NDST3: variants seen among roughly 807,000 people sequenced by gnomAD.
NDST3 encodes the protein bifunctional heparan sulfate N-deacetylase/N-sulfotransferase 3.
In NDST3, 58 loss-of-function variants were observed where a neutral mutation model predicts 96.1. The ratio of observed to expected loss-of-function variants is 0.60; its 90% CI spans 0.49 to 0.75. The LOEUF (loss-of-function observed/expected upper bound fraction) is 0.75. NDST3 is among the 30% of genes least tolerant of loss of function. NDST3 has a pLI of 0.00. For synonymous variants in NDST3, 333 were observed against 359.7 expected, an observed-to-expected ratio of 0.93 and a Z score of 0.84; for missense variants, 788 against 1,034.2, an observed-to-expected ratio of 0.76 and a Z score of 3.27.
At chr4:118,092,440 A>C (rs1278988194) in intron 2 of NDST3, among the ~76,000 whole-genome samples, 1 of 151,776 alleles carries the variant, frequency 6.6e-6, no homozygotes, top group Non-Finnish European at 1.5e-5. Context: ...AATCTTTGTG[A>C]GATAGCAGGC....
intron 2 of NDST3, among the ~76,000 whole-genome samples, chr4:118,074,535 G>C (rs1330017305): frequency 6.6e-6 from 1 of 152,022 alleles, no homozygotes; most frequent in African/African-American, 2.4e-5. Flanking sequence ...TGGTTTAAAG[G>C]CTGTTTTGTC....
At chr4:118,242,222 A>C (rs1741051381) in intron 12 of NDST3, 73 bp downstream of exon 12, 2 of 1,008,946 alleles carry the variant, frequency 2.0e-6, no homozygotes, top group East Asian at 4.8e-5. Flanking sequence ...CAGTTTGGTC[A>C]TACAACTGTC....
At chr4:118,195,889 T>C (rs2125972256) in intron 6 of NDST3, among the ~76,000 whole-genome samples, 1 of 152,332 alleles carries the variant, frequency 6.6e-6, no homozygotes, top group Non-Finnish European at 1.5e-5. Flanking sequence ...CTATGTTGAA[T>C]AACAGTGGTG....
chr4:118,110,968 G>C (rs1281730466), intron 3 of NDST3, among the ~76,000 whole-genome samples: 1 of 152,092 alleles, frequency 6.6e-6, no homozygotes, highest in African/African-American at 2.4e-5. Flanking sequence ...ATACTCCATG[G>C]AATACTACAC....
At chr4:118,170,866 G>A (rs998641776) in intron 6 of NDST3, among the ~76,000 whole-genome samples, 10 of 152,274 alleles carry the variant, frequency 6.6e-5, no homozygotes, top group African/African-American at 2.2e-4. Context: ...TAAATGAAGA[G>A]AAAGTAAAAT....
chr4:118,142,705 A>G (rs1409247196), intron 5 of NDST3, among the ~76,000 whole-genome samples: 1 of 152,162 alleles, frequency 6.6e-6, no homozygotes, highest in Non-Finnish European at 1.5e-5. Flanking sequence ...TATAGTGACA[A>G]ACACAGGTCA....
chr4:118,178,468 T>C (rs774630570), intron 6 of NDST3, among the ~76,000 whole-genome samples: 3 of 152,088 alleles, frequency 2.0e-5, no homozygotes, highest in Non-Finnish European at 4.4e-5. Context: ...TCACTTAGCA[T>C]AATATCCTCA....
intron 2 of NDST3, among the ~76,000 whole-genome samples, chr4:118,089,120 A>G (rs1728665131): frequency 6.6e-6 from 1 of 151,978 alleles, no homozygotes; most frequent in African/African-American, 2.4e-5. Flanking sequence ...TAGTAAACAC[A>G]GACATGGATA....
intron 2 of NDST3, 71 bp from the exon 3 acceptor site, chr4:118,104,947 A>G: frequency 8.2e-7 from 1 of 1,224,578 alleles, no homozygotes; most frequent in Non-Finnish European, 1.2e-6. Flanking sequence ...TGAATGCAAA[A>G]AGGATATATC....
At chr4:118,184,794 T>TA (rs796083108) in intron 6 of NDST3, among the ~76,000 whole-genome samples, 9 of 152,308 alleles carry the variant, frequency 5.9e-5, no homozygotes, top group Admixed American at 2.0e-4. Context: ...ACTATGTACT[T>TA]ACTTGCTGTA....
chr4:118,158,278 G>C (rs187243706), intron 6 of NDST3, among the ~76,000 whole-genome samples: 123 of 152,198 alleles, frequency 8.1e-4, no homozygotes, highest in African/African-American at 2.6e-3. Flanking sequence ...CTAAATTCAA[G>C]TCAGATACAT....
intron 6 of NDST3, among the ~76,000 whole-genome samples, chr4:118,193,212 C>T (rs988241651): frequency 3.3e-5 from 5 of 152,172 alleles, no homozygotes; most frequent in African/African-American, 7.2e-5. Context: ...GAGGGGGTGA[C>T]ACCACCTAAA....
At chr4:118,188,861 T>A (rs1408296444) in intron 6 of NDST3, among the ~76,000 whole-genome samples, 5 of 152,084 alleles carry the variant, frequency 3.3e-5, no homozygotes, top group African/African-American at 1.2e-4. Context: ...TGCATCAGAA[T>A]TAAGCAATTA....
intron 2 of NDST3, among the ~76,000 whole-genome samples, chr4:118,076,220 C>A (rs979908740): frequency 9.2e-5 from 14 of 152,074 alleles, no homozygotes; most frequent in Non-Finnish European, 7.3e-5. Context: ...TCTCTAGCTG[C>A]CTTTAATGTT....
rs1027783330 is a variant in NDST3 at position 118,040,869 on chromosome 4, ATATATATATATATT to A, written c.-156+6291_-156+6304del. Among the ~76,000 whole-genome samples, 26 of 51,354 alleles carry A rather than the reference ATATATATATATATT, an allele frequency of 5.1e-4. No homozygotes were observed. In the East Asian group the frequency reaches 0.01, roughly 20 times the overall value. 33.7% of individuals were successfully genotyped at this position (51,354 alleles called of 152,430 possible). A position where few individuals can be genotyped will look rare whatever the true frequency, so the allele number is the denominator to read the frequency against. ...TTTATATATATATTTATATATTTTTATATATATATATATTTATATATATATATATTTATATATAT... is the reference window on the plus strand; with the variant it reads ...TTTATATATATATTTATATATTTTTATATATATATATATATTTATATATAT... On this transcript the variant is annotated intron_variant, in intron 1 of 13. Transcript: ENST00000296499.
intron 6 of NDST3, among the ~76,000 whole-genome samples, chr4:118,159,546 A>C (rs1268355029): frequency 6.6e-6 from 1 of 152,194 alleles, no homozygotes; most frequent in African/African-American, 2.4e-5. Context: ...ATTAAGAAAA[A>C]GGAAAATATA....
In NDST3 at chr4:118,114,998, CTGAT is replaced by C. The variant is rs765853019; in HGVS notation, c.1224+41_1224+44del. 1.9e-6 allele frequency: 3 copies of C among 1,585,836 alleles called. No individual in the cohort carries two copies. The South Asian group carries it at 3.4e-5, about 18-fold the overall frequency. On this transcript the variant is annotated intron_variant, in intron 4 of 13. Transcript: ENST00000296499. The stretch of plus-strand genomic sequence containing the variant: ...CTTTGTTGCATTGAAGTAGTGTACA[CTGAT>C]TGGAGAAATGAAAAGATTCTTACAT...
At chr4:118,181,503 G>A (rs2125951427) in intron 6 of NDST3, among the ~76,000 whole-genome samples, 1 of 152,284 alleles carries the variant, frequency 6.6e-6, no homozygotes, top group Middle Eastern at 3.4e-3. Context: ...GTTAGCATGA[G>A]TTTGAGAAGC....
intron 2 of NDST3, among the ~76,000 whole-genome samples, chr4:118,088,638 C>T (rs533470204): frequency 6.6e-6 from 1 of 152,076 alleles, no homozygotes; most frequent in African/African-American, 2.4e-5. Context: ...ACAAAGAAAC[C>T]GCAATTTAGT....
Sources: gnomAD v4.1 joint callset for allele counts (sites outside exome capture counted in the v4.1 genomes callset) on GRCh38, gnomAD v4.1.1 for gene constraint, MANE v1.5 for transcripts, NCBI Gene and HGNC (gene_info 2026-07-23, HGNC 2026-07-21) for gene names.